TTN: variants seen among roughly 807,000 people sequenced by gnomAD.
The protein encoded by TTN is titin.
A neutral mutation model predicts 3,223.0 loss-of-function variants in TTN; 1,525 were observed. The ratio of observed to expected loss-of-function variants is 0.47; its 90% confidence interval spans 0.45 to 0.49. The LOEUF (loss-of-function observed/expected upper bound fraction) is 0.49. Ranked by LOEUF, TTN falls within the 20% of genes least tolerant of loss-of-function variation. TTN has a pLI of 0.00. For missense variants in TTN, 40,786 were observed against 43,424.0 expected, an observed-to-expected ratio of 0.94 and a Z score of 5.40; for synonymous variants, 14,094 against 15,161.0, an observed-to-expected ratio of 0.93 and a Z score of 5.17.
rs2077266939 is a variant in TTN at position 178,715,044 on chromosome 2, C to T, written c.26142G>A (p.Gln8714=). ...NVDAADIGEY[Q]CKATNDVGSD... Reference sequence around the variant, plus strand: ...TTCCCACATCATTTGTGGCTTTACACTGATATTCCCCAATGTCTGCAGCAT... The same window carrying T: ...TTCCCACATCATTTGTGGCTTTACATTGATATTCCCCAATGTCTGCAGCAT... The change falls in exon 90 of 363, where the codon CAG becomes CAA. Residue 8714 remains glutamine, a synonymous_variant. Transcript: ENST00000589042. 1.2e-6 allele frequency: 2 copies of T among 1,613,566 alleles called. No homozygotes were observed. Among genetic ancestry groups the T allele is most frequent in the African/African-American group, 2.7e-5 (2 of 75,014 alleles).
At position 178,564,332 on chromosome 2, in the gene TTN, C is replaced by T. The variant is rs975294048; in HGVS notation, c.81800G>A (p.Arg27267Lys). 1.2e-6 allele frequency: 2 copies of T among 1,613,566 alleles called. No homozygotes were observed. Among genetic ancestry groups the T allele is most frequent in the Non-Finnish European group, 1.7e-6 (2 of 1,179,750 alleles). The change falls in exon 326 of 363, where the codon AGA (arginine) becomes AAA (lysine). Residue 27267 changes from arginine to lysine, a missense_variant. By Grantham distance (26) the Arg-to-Lys change is conservative. Coordinates refer to ENST00000589042, the MANE Select transcript of TTN (RefSeq NM_001267550.2). ...GGCATTTGGTGCATCAATTTCATCT[C>T]TTGCAGTAATGGCACCACTACTATC... is the stretch of plus-strand genomic sequence containing the variant. ...PSDSSGAITA[R>K]DEIDAPNASL...
In TTN at chr2:178,568,876, C is replaced by T. The variant is rs1328743149; in HGVS notation, c.77256G>A (p.Lys25752=). ...GGTTGGTAATTACTGCCTGAAGAGA[C>T]TTTACTCGAGCACACTCTGACCATT... ...SEKWSECARV[K]SLQAVITNLT... Residue 25752 remains lysine (K), a synonymous_variant, in exon 326 of 363, where the codon AAG becomes AAA. Coordinates refer to ENST00000589042, the MANE Select transcript of TTN (RefSeq NM_001267550.2). The T allele has an allele frequency of 1.9e-6, 3 of 1,613,004 alleles. No homozygotes were observed. The highest frequency in any genetic ancestry group is 2.5e-6 in the Non-Finnish European group (3 of 1,179,560).
chr2:178,689,444 T>C, intron 123 of TTN, 71 bp from the exon 124 acceptor site: 1 of 1,604,156 alleles, frequency 6.2e-7, no homozygotes, highest in Admixed American at 1.7e-5. Context: ...GAAGTGGCAA[T>C]TAAAGAAGAC....
intron 115 of TTN, 50 bp from the exon 116 acceptor site, chr2:178,694,956 TTCTCTC>T (rs756808591): frequency 4.5e-6 from 6 of 1,343,924 alleles, no homozygotes; most frequent in African/African-American, 1.5e-5. Flanking sequence ...CCTATTAAAA[TTCTCTC>T]TCTCTCTATC....
Position 178,739,725 on chromosome 2 carries a change from A to G in TTN, c.13508T>C (p.Leu4503Ser). 1 of 1,613,932 alleles carries G rather than the reference A, an allele frequency of 6.2e-7. No homozygotes were observed. Among genetic ancestry groups the G allele is most frequent in the Non-Finnish European group, 8.5e-7 (1 of 1,179,844 alleles). Residue 4503 changes from leucine (L) to serine (S), a missense_variant, in exon 48 of 363, where the codon TTG (leucine) becomes TCG (serine). By Grantham distance (145) the Leu-to-Ser change is moderately radical. Coordinates refer to ENST00000589042, the MANE Select transcript of TTN (RefSeq NM_001267550.2). ...PRIQQGAKTS[L>S]QEEMDSFSGS... ...TGAAAAAGAATCCATTTCTTCTTGCAAACTTGTTTTGGCTCCTTGCTGAAT... is the reference window on the plus strand; with the variant it reads ...TGAAAAAGAATCCATTTCTTCTTGCGAACTTGTTTTGGCTCCTTGCTGAAT...
At chr2:178,783,901 A>G (rs564830397) in intron 16 of TTN, 116 bp from the exon 17 acceptor site, 2 of 1,064,718 alleles carry the variant, frequency 1.9e-6, no homozygotes, top group Non-Finnish European at 2.5e-6. Flanking sequence ...TATAAAAATA[A>G]TTTGAGAAAA....
At position 178,747,985 on chromosome 2, in the gene TTN, TG is replaced by T. The variant is rs763455376; in HGVS notation, c.11311+5138del. The T allele has an allele frequency of 5.0e-6, 8 of 1,613,052 alleles. No homozygotes were observed. In the South Asian group the frequency reaches 7.7e-5, roughly 15 times the overall value. ...CTCTGTGGTCTTCCAAAGTGGCATC[TG>T]TATATTCCTGTGTCCCACCATCCTG... On this transcript the variant is annotated intron_variant, in intron 47 of 362. Coordinates refer to ENST00000589042, the MANE Select transcript of TTN (RefSeq NM_001267550.2).
intron 6 of TTN, among the ~76,000 whole-genome samples, chr2:178,795,502 C>T (rs2093720982): frequency 6.7e-6 from 1 of 149,676 alleles, no homozygotes; most frequent in African/African-American, 2.5e-5. Flanking sequence ...TTGTGCCTTG[C>T]ACCTTCTCAC....
rs1227218365 is a variant in TTN, at chr2:178,731,321, T to C, written c.17445A>G (p.Ala5815=). The C allele has an allele frequency of 2.4e-5, 38 of 1,613,704 alleles. No individual in the cohort carries two copies. Among genetic ancestry groups the C allele is most frequent in the East Asian group, 4.5e-5 (2 of 44,884 alleles). ...TGAACCAACCTTTTACTGAGAGTAA[T>C]GCAGAACATCTTTGTATTCCTGCAT... ...KNDAGIQRCS[A]LLSVKEPATI... The change falls in exon 59 of 363, where the codon GCA becomes GCG. Residue 5815 remains alanine, a synonymous_variant. Coordinates refer to ENST00000589042, the MANE Select transcript of TTN (RefSeq NM_001267550.2).
rs2079712580 is a variant in TTN at position 178,728,266 on chromosome 2, C to A, written c.19558G>T (p.Glu6520Ter). Residue 6520 changes from glutamate to a stop codon, truncating the protein, a stop_gained, in exon 67 of 363, where the codon GAA becomes TAA. Coordinates refer to ENST00000589042, the MANE Select transcript of TTN (RefSeq NM_001267550.2). LOFTEE classifies it high-confidence loss of function. ...CTGTATTTTGCACTTGTAGATATTT[C>A]TTTTCCATCCTTAAACCACTGAGCA... The part of the protein sequence containing the change: ...ISAQWFKDGK[E>*]ISTSAKYRLV... The A allele has an allele frequency of 6.2e-7, 1 of 1,613,260 alleles. No individual in the cohort carries two copies. Among genetic ancestry groups the A allele is most frequent in the Non-Finnish European group, 8.5e-7 (1 of 1,179,514 alleles).
At chr2:178,665,049 C>A in intron 165 of TTN, 123 bp from the exon 166 acceptor site, 1 of 1,180,422 alleles carries the variant, frequency 8.5e-7, no homozygotes, top group Non-Finnish European at 1.2e-6. Context: ...TTTGTTCCAC[C>A]AATAGGCTAA....
In TTN at chr2:178,549,596, T is replaced by G. The variant is rs757178111; in HGVS notation, c.92126A>C (p.Asp30709Ala). ...ATATTGTATTTGAGCAACCACTGGA[T>G]CAGAATCAAGTGGCCTGCCAACACC... ...KFGVGRPLDS[D>A]PVVAQIQYTV... The change falls in exon 338 of 363, where the codon GAT becomes GCT. Residue 30709 changes from aspartate (D) to alanine (A), a missense_variant. Physicochemically the swap from Asp to Ala is moderately radical, Grantham distance 126 (BLOSUM62 -2). Transcript: ENST00000589042. 1 of 1,613,356 alleles carries G rather than the reference T, an allele frequency of 6.2e-7. No individual in the cohort carries two copies. Among genetic ancestry groups the G allele is most frequent in the South Asian group, 1.1e-5 (1 of 91,046 alleles).
At position 178,712,120 on chromosome 2, in the gene TTN, G is replaced by T. The variant is rs1297278620; in HGVS notation, c.27710C>A (p.Ser9237Tyr). Residue 9237 changes from serine (S) to tyrosine (Y), a missense_variant, in exon 96 of 363, where the codon TCC becomes TAC. Coordinates refer to ENST00000589042, the MANE Select transcript of TTN (RefSeq NM_001267550.2). The stretch of plus-strand genomic sequence containing the variant: ...CAATTTTGTATCTCCTTTATACCAG[G>T]ATACCCCAATTTCAGGGGTTCCAGC... ...QLAGTPEIGV[S>Y]WYKGDTKLRP... is the part of the protein sequence containing the mutation. 3 of 1,613,666 alleles carry T rather than the reference G, an allele frequency of 1.9e-6. No individual in the cohort carries two copies. The highest frequency in any genetic ancestry group is 1.1e-5 in the South Asian group (1 of 91,044).
In TTN at chr2:178,672,062, TTCTTCAACTCTA is replaced by T; in HGVS notation, c.35124_35135del (p.His11708_Glu11712delinsGln). 1.2e-6 allele frequency: 2 copies of T among 1,611,706 alleles called. No homozygotes were observed. The highest frequency in any genetic ancestry group is 1.7e-4 in the Middle Eastern group (1 of 6,058). On this transcript the variant is annotated inframe_deletion, in exon 155 of 363. Transcript: ENST00000589042. Reference sequence around the variant, plus strand: ...TATGAACTTTTTCAACTCTGTGTTCTTCTTCAACTCTATGTTGTTCTAATTTGATGAATTCTT... The same window carrying T: ...TATGAACTTTTTCAACTCTGTGTTCTTGTTGTTCTAATTTGATGAATTCTT...
In TTN at chr2:178,731,911, A is replaced by C; in HGVS notation, c.16964T>G (p.Met5655Arg). ...PIEVLKEYDV[M>R]LLAEVAGTPP... ...AGTGCCTGCCACCTCAGCCAGCAACATGACATCGTACTCCTTTAAGACTTC... is the reference window on the plus strand; with the variant it reads ...AGTGCCTGCCACCTCAGCCAGCAACCTGACATCGTACTCCTTTAAGACTTC... Residue 5655 changes from methionine to arginine, a missense_variant, in exon 58 of 363, where the codon ATG becomes AGG. Transcript: ENST00000589042. 6.2e-7 allele frequency: 1 copy of C among 1,613,690 alleles called. No homozygotes were observed.
intron 213 of TTN, among the ~76,000 whole-genome samples, 175 bp downstream of exon 213, chr2:178,649,073 A>T (rs1190006895): frequency 1.3e-5 from 2 of 151,978 alleles, no homozygotes; most frequent in African/African-American, 4.8e-5. Context: ...ACTGAATCCC[A>T]CTCATTTTTT....
intron 69 of TTN, chr2:178,726,315 G>A (rs2079325767): frequency 3.3e-6 from 1 of 299,198 alleles, no homozygotes; most frequent in Admixed American, 5.0e-5. Flanking sequence ...TGTATCTTAG[G>A]CTACAAAGAT....
At chr2:178,778,498 G>C (rs2092458250) in intron 24 of TTN, 1 of 325,740 alleles carries the variant, frequency 3.1e-6, no homozygotes, top group Non-Finnish European at 5.8e-6. Flanking sequence ...CCGCTTACAG[G>C]CTGGATGAAT....
In TTN at chr2:178,721,018, C is replaced by G; in HGVS notation, c.23001G>C (p.Thr7667=). The G allele has an allele frequency of 6.2e-7, 1 of 1,613,250 alleles. No individual in the cohort carries two copies. Among genetic ancestry groups the G allele is most frequent in the African/African-American group, 1.3e-5 (1 of 74,998 alleles). ...MSFINSVALL[T]INEASAEDSG... ...TGTCTTCAGCACTAGCTTCATTGAT[C>G]GTAAGCAATGCCACAGAATTAATGA... The change falls in exon 79 of 363, where the codon ACG becomes ACC. Residue 7667 remains threonine (T), a synonymous_variant. Transcript: ENST00000589042.
Sources: gnomAD v4.1 joint callset for allele counts (sites outside exome capture counted in the v4.1 genomes callset) on GRCh38, gnomAD v4.1.1 for gene constraint, MANE v1.5 for transcripts, NCBI Gene and HGNC (gene_info 2026-07-23, HGNC 2026-07-21) for gene names.